Variants in COL17A1 observed in about 807,000 individuals in gnomAD.
COL17A1 encodes collagen type XVII alpha 1 chain.
A neutral mutation model predicts 218.4 loss-of-function variants in COL17A1; 181 were observed. The ratio of observed to expected loss-of-function variants is 0.83; its 90% confidence interval spans 0.73 to 0.94. COL17A1 has a LOEUF of 0.94. Ranked by LOEUF, COL17A1 falls within the 40% of genes least tolerant of loss-of-function variation. COL17A1 has a pLI of 0.00. For synonymous variants in COL17A1, 721 were observed against 731.0 expected, an observed-to-expected ratio of 0.99 and a Z score of 0.22; for missense variants, 1,924 against 1,945.9, an observed-to-expected ratio of 0.99 and a Z score of 0.21.
At chr10:104,035,889 TGTATGGGAGC>T (rs199786932) in intron 48 of COL17A1, among the ~76,000 whole-genome samples, 25 of 145,692 alleles carry the variant, frequency 1.7e-4, no homozygotes, top group Non-Finnish European at 2.4e-4. Flanking sequence ...AGTACTGGAG[TGTATGGGAGC>T]GTGTGTATGG....
chr10:104,032,328 C>T (rs1390927173), intron 55 of COL17A1, 38 bp from the exon 56 acceptor site: 1 of 1,583,698 alleles, frequency 6.3e-7, no homozygotes. Context: ...TAAAACATAT[C>T]TTGTGGCCTG....
intron 9 of COL17A1, among the ~76,000 whole-genome samples, chr10:104,069,121 A>T (rs768578804): frequency 6.6e-6 from 1 of 152,220 alleles, no homozygotes; most frequent in Non-Finnish European, 1.5e-5. Context: ...GTTAGAAAAC[A>T]GACTACCAGA....
intron 33 of COL17A1, 91 bp from the exon 34 acceptor site, chr10:104,043,951 G>T: frequency 7.0e-7 from 1 of 1,429,412 alleles, no homozygotes; most frequent in South Asian, 1.1e-5. Context: ...TTGCATTTGG[G>T]ACCCACTTCT....
chr10:104,050,957 G>A, intron 25 of COL17A1, 56 bp from the exon 26 acceptor site: 1 of 1,607,458 alleles, frequency 6.2e-7, no homozygotes, highest in South Asian at 1.1e-5. Context: ...TTGGAATGAT[G>A]AGACATGTAT....
rs1428225678 is a variant in COL17A1, at chr10:104,076,313, G to C, written c.319C>G (p.His107Asp). 1 of 1,614,172 alleles carries C rather than the reference G, an allele frequency of 6.2e-7. No individual in the cohort carries two copies. The highest frequency in any genetic ancestry group is 8.5e-7 in the Non-Finnish European group (1 of 1,180,012). Residue 107 changes from histidine to aspartate, a missense_variant, in exon 5 of 56, where the codon CAT becomes GAT. His to Asp is a moderately conservative substitution (Grantham distance 81). Coordinates refer to ENST00000648076, the MANE Select transcript of COL17A1 (RefSeq NM_000494.4). ...GTGGGACTGATACCTTCATACGCAT[G>C]GCGGGTAACGTGAGTTTTCCTTTCA... ...TFERKTHVTR[H>D]AYEGSSSGNS...
Position 104,063,667 on chromosome 10 carries a change from C to T in COL17A1, c.838+80G>A, listed in dbSNP as rs150991605. On this transcript the variant is annotated intron_variant, in intron 11 of 55. Transcript: ENST00000648076. ...AGCTGCAGTATGCATGGAAGAAAGG[C>T]CTTCATGCTCTTGGGTGAAGCATCC... The T allele has an allele frequency of 4.5e-4, 712 of 1,592,228 alleles. 1 individual carries two copies. In the African/African-American group the frequency reaches 8.5e-3, roughly 19 times the overall value.
At chr10:104,070,710 T>C (rs2086662391) in intron 8 of COL17A1, 141 bp from the exon 9 acceptor site, 1 of 1,572,426 alleles carries the variant, frequency 6.4e-7, no homozygotes, top group Non-Finnish European at 8.6e-7. Flanking sequence ...TTGCTTGGCT[T>C]TATAATATTC....
intron 4 of COL17A1, 88 bp from the exon 5 acceptor site, chr10:104,076,517 A>G (rs1227136736): frequency 6.3e-7 from 1 of 1,587,440 alleles, no homozygotes; most frequent in African/African-American, 1.3e-5. Flanking sequence ...TTAACCAAGT[A>G]CACTCAGGGA....
chr10:104,037,651 C>T lies in COL17A1; in HGVS notation c.3193G>A (p.Val1065Met), dbSNP rs1341603466. 1.2e-6 allele frequency: 2 copies of T among 1,614,224 alleles called. No homozygotes were observed. Among genetic ancestry groups the T allele is most frequent in the Admixed American group, 1.7e-5 (1 of 60,028 alleles). Residue 1065 changes from valine to methionine, a missense_variant, in exon 46 of 56, where the codon GTG becomes ATG. Val to Met is a conservative substitution (Grantham distance 21). Coordinates refer to ENST00000648076, the MANE Select transcript of COL17A1 (RefSeq NM_000494.4). ...FDYSELASHV[V>M]SYLRTSGYGV... is the part of the protein sequence containing the mutation. ...AAGGGCTTACTCCGTAAGTAGCTCA[C>T]AACGTGGCTTGCCAGCTCTGAGTAG... is the stretch of plus-strand genomic sequence containing the variant.
chr10:104,076,309 G>C lies in COL17A1; in HGVS notation c.323C>G (p.Ala108Gly), dbSNP rs185337666. 6.2e-6 allele frequency: 10 copies of C among 1,613,926 alleles called. No homozygotes were observed. Among genetic ancestry groups the C allele is most frequent in the Non-Finnish European group, 7.6e-6 (9 of 1,179,942 alleles). Residue 108 changes from alanine to glycine, a missense_variant, in exon 5 of 56, where the codon GCG becomes GGG. Transcript: ENST00000648076. ...FERKTHVTRH[A>G]YEGSSSGNSS... ...GTTAGTGGGACTGATACCTTCATAC[G>C]CATGGCGGGTAACGTGAGTTTTCCT...
At chr10:104,036,656 C>T (rs1454349179) in intron 47 of COL17A1, 24 bp from the exon 48 acceptor site, 3 of 1,612,496 alleles carry the variant, frequency 1.9e-6, no homozygotes, top group South Asian at 2.2e-5. Flanking sequence ...GATGCACTAG[C>T]AGGACCCACC....
Position 104,060,188 on chromosome 10 carries a change from T to C in COL17A1, c.1072A>G (p.Met358Val), listed in dbSNP as rs150192753. Residue 358 changes from methionine to valine, a missense_variant, in exon 14 of 56, where the codon ATG becomes GTG. Coordinates refer to ENST00000648076, the MANE Select transcript of COL17A1 (RefSeq NM_000494.4). ...EKDNTPAKKEMELLIMTKDSG... is the reference protein window; with the variant it reads ...EKDNTPAKKEVELLIMTKDSG... ...TCCTTGGTCATGATGAGCAGCTCCATCTCCTTCTTGGCAGGTGTGTTGTCT... is the reference window on the plus strand; with the variant it reads ...TCCTTGGTCATGATGAGCAGCTCCACCTCCTTCTTGGCAGGTGTGTTGTCT... The C allele has an allele frequency of 2.5e-5, 41 of 1,614,124 alleles. No homozygotes were observed. In the African/African-American group the frequency reaches 4.9e-4, roughly 19 times the overall value.
intron 48 of COL17A1, among the ~76,000 whole-genome samples, 161 bp downstream of exon 48, chr10:104,036,331 C>G (rs1220072579): frequency 6.6e-6 from 1 of 150,482 alleles, no homozygotes; most frequent in Non-Finnish European, 1.5e-5. Flanking sequence ...TGACCTGCTC[C>G]AGGCTCACAG....
intron 3 of COL17A1, among the ~76,000 whole-genome samples, chr10:104,078,186 C>T (rs2086728621): frequency 6.6e-6 from 1 of 152,072 alleles, no homozygotes; most frequent in African/African-American, 2.4e-5. Flanking sequence ...GATCAGATAT[C>T]CAATATTTTA....
chr10:104,047,849 A>G, intron 30 of COL17A1, 39 bp from the exon 31 acceptor site: 3 of 1,563,376 alleles, frequency 1.9e-6, no homozygotes, highest in Non-Finnish European at 2.6e-6. Flanking sequence ...GTTTACATTT[A>G]GGAAAGCTAA....
chr10:104,041,121 A>G lies in COL17A1; in HGVS notation c.2648-3T>C, dbSNP rs1373384692. Reference sequence around the variant, plus strand: ...TGGTGGGCCTGGCAAACCCTCCCCTAGGAAAGAGAACCCCCAAGACTTATT... The same window carrying G: ...TGGTGGGCCTGGCAAACCCTCCCCTGGGAAAGAGAACCCCCAAGACTTATT... On this transcript the variant is annotated splice_region_variant and splice_polypyrimidine_tract_variant and intron_variant, in intron 38 of 55. Transcript: ENST00000648076. The G allele has an allele frequency of 3.1e-6, 5 of 1,605,756 alleles. No homozygotes were observed. Among genetic ancestry groups the G allele is most frequent in the Admixed American group, 3.4e-5 (2 of 59,514 alleles).
At position 104,060,157 on chromosome 10, in the gene COL17A1, C is replaced by G. The variant is rs1457948489; in HGVS notation, c.1103G>C (p.Gly368Ala). Residue 368 changes from glycine to alanine, a missense_variant, in exon 14 of 56, where the codon GGG becomes GCG. Physicochemically the swap from Gly to Ala is moderately conservative, Grantham distance 60 (BLOSUM62 0). Transcript: ENST00000648076. ...MELLIMTKDS[G>A]KVFTASPASI... is the part of the protein sequence containing the mutation. ...GGCAGGGGAGGCTGTAAAGACCTTCCCGCTGTCCTTGGTCATGATGAGCAG... is the reference window on the plus strand; with the variant it reads ...GGCAGGGGAGGCTGTAAAGACCTTCGCGCTGTCCTTGGTCATGATGAGCAG... 1 of 1,614,112 alleles carries G rather than the reference C, an allele frequency of 6.2e-7. No individual in the cohort carries two copies. Among genetic ancestry groups the G allele is most frequent in the South Asian group, 1.1e-5 (1 of 91,072 alleles).
At chr10:104,074,585 T>G (rs2086694345) in intron 5 of COL17A1, among the ~76,000 whole-genome samples, 1 of 152,200 alleles carries the variant, frequency 6.6e-6, no homozygotes, top group Admixed American at 6.5e-5. Flanking sequence ...TCAAGTAACC[T>G]GCCCTCAGCA....
chr10:104,039,304 C>T, intron 43 of COL17A1, 141 bp downstream of exon 43: 5 of 1,076,134 alleles, frequency 4.6e-6, no homozygotes, highest in South Asian at 4.0e-5. Context: ...CTTCCACCCT[C>T]TGGCCTTTCC....
Sources: allele counts gnomAD v4.1 joint callset (sites outside exome capture counted in the v4.1 genomes callset), GRCh38; gene constraint gnomAD v4.1.1; transcripts MANE v1.5; gene names NCBI Gene and HGNC (gene_info 2026-07-23, HGNC 2026-07-21).